Variants in AK4 observed in about 807,000 individuals in gnomAD.
AK4 encodes adenylate kinase 4, also known as adenylate kinase 4, mitochondrial.
AK4 carries 13 observed loss-of-function variants against 24.6 expected under a neutral mutation model. The observed-to-expected ratio is 0.53, with a 90% CI of 0.34 to 0.84. The LOEUF (loss-of-function observed/expected upper bound fraction) is 0.84. Among genes scored for constraint, AK4 ranks in the 40% least tolerant of loss-of-function variants. The probability of loss-of-function intolerance (pLI) is 0.01; values close to 1 mark genes in which losing one functional copy is unlikely to be tolerated. For missense variants in AK4, 192 were observed against 288.2 expected, an observed-to-expected ratio of 0.67 and a Z score of 2.42; for synonymous variants, 88 against 107.0, an observed-to-expected ratio of 0.82 and a Z score of 1.10.
chr1:65,196,879 G>A (rs545212161), intron 2 of AK4, among the ~76,000 whole-genome samples: 1 of 152,310 alleles, frequency 6.6e-6, no homozygotes, highest in Non-Finnish European at 1.5e-5. Flanking sequence ...TGGACTTACA[G>A]TTCCACGTGG....
intron 1 of AK4, among the ~76,000 whole-genome samples, chr1:65,155,362 A>G (rs2100983699): frequency 6.6e-6 from 1 of 152,216 alleles, no homozygotes; most frequent in South Asian, 2.1e-4. Flanking sequence ...AGTCCCAGCT[A>G]CTTAAGAGGC....
intron 1 of AK4, among the ~76,000 whole-genome samples, chr1:65,155,639 T>A (rs1649954313): frequency 6.8e-6 from 1 of 146,668 alleles, no homozygotes; most frequent in Non-Finnish European, 1.5e-5. Flanking sequence ...AAGTCACTGC[T>A]AATACTTTTT....
intron 1 of AK4, among the ~76,000 whole-genome samples, chr1:65,175,140 G>T (rs1440080252): frequency 6.6e-6 from 1 of 152,112 alleles, no homozygotes; most frequent in Non-Finnish European, 1.5e-5. Flanking sequence ...CATTACTGTT[G>T]CCACTGGTAT....
chr1:65,163,051 T>C (rs1650221044), intron 1 of AK4, among the ~76,000 whole-genome samples: 1 of 152,238 alleles, frequency 6.6e-6, no homozygotes, highest in Non-Finnish European at 1.5e-5. Context: ...ACACTTGGGC[T>C]GTTTCCTGCT....
intron 1 of AK4, among the ~76,000 whole-genome samples, chr1:65,165,181 T>A (rs897698725): frequency 3.3e-5 from 5 of 152,228 alleles, no homozygotes; most frequent in African/African-American, 1.2e-4. Context: ...TTGTATGAAC[T>A]TTTATTAAGT....
At chr1:65,156,615 G>T (rs939997449) in intron 1 of AK4, among the ~76,000 whole-genome samples, 4 of 151,976 alleles carry the variant, frequency 2.6e-5, no homozygotes, top group Non-Finnish European at 1.5e-5. Flanking sequence ...GATGTTAAAT[G>T]GATTTGAAAT....
In AK4 at chr1:65,231,937, G is replaced by A. The variant is rs1652659956; in HGVS notation, c.*5760G>A. Reference sequence around the variant, plus strand: ...AGTTTCCCAGAAGTCGTGTGTTTATGATGAGTCAGAGTGCTTTTCCTCGGT... The same window carrying A: ...AGTTTCCCAGAAGTCGTGTGTTTATAATGAGTCAGAGTGCTTTTCCTCGGT... On this transcript the variant is annotated 3_prime_UTR_variant, in exon 5 of 5. Coordinates refer to ENST00000327299, the MANE Select transcript of AK4 (RefSeq NM_013410.4). The A allele has an allele frequency of 6.6e-6, 1 of 152,170 alleles. No homozygotes were observed. Among genetic ancestry groups the A allele is most frequent in the Admixed American group, 6.5e-5 (1 of 15,274 alleles). 9.4% of individuals were successfully genotyped at this position (152,170 alleles called of 1,614,324 possible).
At chr1:65,154,628 TCA>T in intron 1 of AK4, 1 of 489,752 alleles carries the variant, frequency 2.0e-6, no homozygotes, top group Non-Finnish European at 4.1e-6. Flanking sequence ...GCGAACGATA[TCA>T]GTTTTATTAA....
At chr1:65,223,270 A>G (rs1248482346) in intron 3 of AK4, among the ~76,000 whole-genome samples, 4 of 151,880 alleles carry the variant, frequency 2.6e-5, no homozygotes, top group Admixed American at 2.0e-4. Flanking sequence ...TTTCACTGCA[A>G]CCTTTGCCCC....
At position 65,226,252 on chromosome 1, in the gene AK4, A is replaced by G; in HGVS notation, c.*75A>G. ...TGTGTAGTATTGGTGCTGTGTCCAA[A>G]TTAGAAGCTAGCTGAGGTAGCTTGC... is the stretch of plus-strand genomic sequence containing the variant. On this transcript the variant is annotated 3_prime_UTR_variant, in exon 5 of 5. Coordinates refer to ENST00000327299, the MANE Select transcript of AK4 (RefSeq NM_013410.4). 1 of 1,214,712 alleles carries G rather than the reference A, an allele frequency of 8.2e-7. No homozygotes were observed. Among genetic ancestry groups the G allele is most frequent in the Non-Finnish European group, 1.1e-6 (1 of 880,346 alleles). 75.2% of individuals were successfully genotyped at this position (1,214,712 alleles called of 1,614,324 possible).
intron 2 of AK4, among the ~76,000 whole-genome samples, chr1:65,195,733 TTA>T (rs1651449582): frequency 6.6e-6 from 1 of 152,196 alleles, no homozygotes. Flanking sequence ...AGTGCTTGCC[TTA>T]TATAAGTGCT....
chr1:65,231,995 A>G lies in AK4; in HGVS notation c.*5818A>G, dbSNP rs961483690. ...TTGCTGGCCCTCTTAATTTTGGTGT[A>G]TGTGCTTCCAAGTATCTAAACCTCC... On this transcript the variant is annotated 3_prime_UTR_variant, in exon 5 of 5. Coordinates refer to ENST00000327299, the MANE Select transcript of AK4 (RefSeq NM_013410.4). The G allele has an allele frequency of 1.3e-5, 2 of 152,082 alleles. No individual in the cohort carries two copies. The highest frequency in any genetic ancestry group is 4.8e-5 in the African/African-American group (2 of 41,388). The allele number at this position is 152,082 out of a possible 1,614,324, so 9.4% of individuals were successfully genotyped here. A position where few individuals can be genotyped will look rare whatever the true frequency, so the allele number is the denominator to read the frequency against.
upstream of AK4, chr1:65,147,731 GCCGGGGAGCGCATCCGCCAACC>G (rs1649608866): frequency 6.6e-6 from 1 of 152,098 alleles, no homozygotes. Flanking sequence ...GCGCCCCATG[GCCGGGGAGCGCATCCGCCAACC>G]CCGGGCGGAG....
rs116016924 is a variant in AK4, at chr1:65,199,644, G to T, written c.265+8815G>T. On this transcript the variant is annotated intron_variant, in intron 2 of 4. Transcript: ENST00000327299. The stretch of plus-strand genomic sequence containing the variant: ...TCTTTAAGTTTGTGTTGTAAAGTAG[G>T]TTTGACAATTTTTATCATGTTAGAA... Among the ~76,000 whole-genome samples the T allele has an allele frequency of 6.1e-3, 930 of 152,244 alleles. 10 individuals are homozygous for T. Among genetic ancestry groups the T allele is most frequent in the African/African-American group, 0.021 (872 of 41,536 alleles).
chr1:65,180,573 G>GT (rs1298447055), intron 1 of AK4, among the ~76,000 whole-genome samples: 2 of 152,000 alleles, frequency 1.3e-5, no homozygotes, highest in Non-Finnish European at 2.9e-5. Context: ...TTTAACCAAG[G>GT]TTTTTTATTT....
chr1:65,225,676 A>G (rs1049573664), intron 4 of AK4, among the ~76,000 whole-genome samples: 11 of 152,238 alleles, frequency 7.2e-5, no homozygotes, highest in African/African-American at 2.4e-4. Context: ...TCAGAGTTTT[A>G]TGATCATATT....
chr1:65,212,298 G>A (rs944295435), intron 2 of AK4, among the ~76,000 whole-genome samples: 3 of 151,826 alleles, frequency 2.0e-5, no homozygotes, highest in African/African-American at 7.3e-5. Context: ...AACATTTTAG[G>A]ATTCTTTTTT....
chr1:65,169,141 A>C (rs1342362224), intron 1 of AK4, among the ~76,000 whole-genome samples: 2 of 149,032 alleles, frequency 1.3e-5, no homozygotes, highest in Non-Finnish European at 3.0e-5. Context: ...GCACCACTGC[A>C]CTCCAGCCTG....
intron 2 of AK4, among the ~76,000 whole-genome samples, chr1:65,216,877 T>C (rs1652149343): frequency 6.6e-6 from 1 of 151,518 alleles, no homozygotes; most frequent in African/African-American, 2.4e-5. Flanking sequence ...TAATTTTTAT[T>C]TTTGGTAGAG....
Sources: gnomAD v4.1 joint callset for allele counts (sites outside exome capture counted in the v4.1 genomes callset) on GRCh38, gnomAD v4.1.1 for gene constraint, MANE v1.5 for transcripts, NCBI Gene and HGNC (gene_info 2026-07-23, HGNC 2026-07-21) for gene names.